The following BMP6 variants were observed in gnomAD, a reference collection of about 807,000 sequenced individuals.
BMP6 encodes bone morphogenetic protein 6.
BMP6 carries 17 observed loss-of-function variants against 54.1 expected under a neutral mutation model. The observed-to-expected ratio is 0.31, with a 90% CI of 0.22 to 0.47. The LOEUF is 0.47. Among genes scored for constraint, BMP6 ranks in the 20% least tolerant of loss-of-function variants. The probability of loss-of-function intolerance (pLI) is 1.00; values close to 1 mark genes in which losing one functional copy is unlikely to be tolerated. For synonymous variants in BMP6, 328 were observed against 291.2 expected, an observed-to-expected ratio of 1.13 and a Z score of -1.28; for missense variants, 720 against 690.4, an observed-to-expected ratio of 1.04 and a Z score of -0.48.
intron 1 of BMP6, among the ~76,000 whole-genome samples, chr6:7,797,842 T>A (rs559886747): frequency 6.6e-6 from 1 of 152,324 alleles, no homozygotes; most frequent in African/African-American, 2.4e-5. Context: ...CCTTTTTGTT[T>A]TATGTGTGTT....
intron 1 of BMP6, among the ~76,000 whole-genome samples, chr6:7,754,118 T>TTTTC (rs368119815): frequency 6.6e-6 from 1 of 152,156 alleles, no homozygotes; most frequent in Admixed American, 6.6e-5. Flanking sequence ...TATTGTCTTT[T>TTTTC]TTTCTTTCTT....
intron 1 of BMP6, among the ~76,000 whole-genome samples, chr6:7,839,352 G>A (rs954873370): frequency 6.6e-6 from 1 of 152,174 alleles, no homozygotes; most frequent in African/African-American, 2.4e-5. Flanking sequence ...TTAAGTGTAC[G>A]GTTCAGTGGC....
intron 1 of BMP6, among the ~76,000 whole-genome samples, chr6:7,734,946 G>T (rs770930887): frequency 3.9e-5 from 6 of 152,260 alleles, no homozygotes; most frequent in Non-Finnish European, 7.3e-5. Flanking sequence ...ATACGCCCTT[G>T]ATGACTGATC....
intron 2 of BMP6, among the ~76,000 whole-genome samples, chr6:7,852,582 AT>A (rs1239998311): frequency 2.6e-5 from 4 of 152,200 alleles, no homozygotes; most frequent in Non-Finnish European, 4.4e-5. Flanking sequence ...GTCTCAAAAA[AT>A]TTTTTTTAAT....
chr6:7,753,748 A>G (rs964973006), intron 1 of BMP6, among the ~76,000 whole-genome samples: 6 of 152,226 alleles, frequency 3.9e-5, no homozygotes, highest in African/African-American at 1.4e-4. Context: ...GCATTAAAGG[A>G]TATAGGTTTT....
intron 1 of BMP6, among the ~76,000 whole-genome samples, chr6:7,793,569 G>A (rs574910614): frequency 2.6e-5 from 4 of 151,932 alleles, no homozygotes; most frequent in Non-Finnish European, 5.9e-5. Context: ...GATAACTAAT[G>A]TACCACTTTG....
At chr6:7,802,191 A>G (rs1221598465) in intron 1 of BMP6, among the ~76,000 whole-genome samples, 2 of 152,242 alleles carry the variant, frequency 1.3e-5, no homozygotes, top group Non-Finnish European at 2.9e-5. Flanking sequence ...TATTAAAGAA[A>G]AAGCTCTAAA....
In BMP6 at chr6:7,862,408, A is replaced by G. The variant is rs770337544; in HGVS notation, c.1114A>G (p.Thr372Ala). 1.2e-5 allele frequency: 19 copies of G among 1,614,038 alleles called. No homozygotes were observed. The highest frequency in any genetic ancestry group is 1.5e-5 in the Non-Finnish European group (18 of 1,180,036). ...FFKVSEVHVR[T>A]TRSASSRRRQ... ...CAAAGTGAGTGAGGTGCACGTGCGCACCACCAGGTCAGCCTCCAGCCGGCG... is the reference window on the plus strand; with the variant it reads ...CAAAGTGAGTGAGGTGCACGTGCGCGCCACCAGGTCAGCCTCCAGCCGGCG... The change falls in exon 4 of 7, where the codon ACC becomes GCC. Residue 372 changes from threonine (T) to alanine (A), a missense_variant. Around this residue, in one of 3 missense-constraint regions of BMP6, gnomAD observed 650 missense variants for 556.3 expected, o/e 1.17. Transcript: ENST00000283147.
At chr6:7,730,949 T>A (rs1202697904) in intron 1 of BMP6, among the ~76,000 whole-genome samples, 3 of 152,202 alleles carry the variant, frequency 2.0e-5, no homozygotes, top group Non-Finnish European at 4.4e-5. Flanking sequence ...ACTGGGGGAA[T>A]AATTTACTCA....
intron 1 of BMP6, among the ~76,000 whole-genome samples, chr6:7,819,057 G>C (rs1040820321): frequency 5.6e-4 from 86 of 152,288 alleles, no homozygotes; most frequent in African/African-American, 2.0e-3. Flanking sequence ...AGCAGAAAGG[G>C]GGAAAAAGAC....
rs550273796 is a variant in BMP6, at chr6:7,831,918, G to A, written c.665-13222G>A. Among the ~76,000 whole-genome samples, 7 of 152,274 alleles carry A rather than the reference G, an allele frequency of 4.6e-5. No homozygotes were observed. In the East Asian group the frequency reaches 1.4e-3, roughly 29 times the overall value. ...GAGCACGAAGCAGGACCCAGCCCTG[G>A]CTCACACGTGCATTCAACACACATT... On this transcript the variant is annotated intron_variant, in intron 1 of 6. Transcript: ENST00000283147.
intron 1 of BMP6, among the ~76,000 whole-genome samples, chr6:7,824,384 T>G (rs1758660398): frequency 6.6e-6 from 1 of 152,190 alleles, no homozygotes; most frequent in Non-Finnish European, 1.5e-5. Flanking sequence ...TTGTGAGTCC[T>G]CTAAGAAGGG....
intron 1 of BMP6, among the ~76,000 whole-genome samples, chr6:7,762,820 A>G (rs775530367): frequency 1.1e-4 from 17 of 152,186 alleles, no homozygotes; most frequent in Non-Finnish European, 2.2e-4. Context: ...GTTCTTCTCC[A>G]GGGGATAGGA....
At chr6:7,863,956 G>T (rs1759376797) in intron 4 of BMP6, among the ~76,000 whole-genome samples, 1 of 151,774 alleles carries the variant, frequency 6.6e-6, no homozygotes, top group Non-Finnish European at 1.5e-5. Context: ...GGAGGTGGAG[G>T]TTGCAGTGAG....
chr6:7,856,610 T>TTTTTTTTTTTTTTTTTTTTTTTTTG (rs1477184469), intron 2 of BMP6, among the ~76,000 whole-genome samples: 2 of 122,154 alleles, frequency 1.6e-5, no homozygotes, highest in Non-Finnish European at 3.4e-5. Context: ...TTTTTTTTTT[T>TTTTTTTTTTTTTTTTTTTTTTTTTG]TTTTGAGACG....
At chr6:7,871,585 TGAG>T (rs1759525489) in intron 4 of BMP6, among the ~76,000 whole-genome samples, 1 of 152,242 alleles carries the variant, frequency 6.6e-6, no homozygotes, top group Non-Finnish European at 1.5e-5. Flanking sequence ...GGCCTTGTCT[TGAG>T]GGGGAAAATT....
intron 1 of BMP6, among the ~76,000 whole-genome samples, chr6:7,817,066 C>T (rs1468232358): frequency 2.6e-5 from 4 of 152,164 alleles, no homozygotes; most frequent in Non-Finnish European, 4.4e-5. Context: ...CCAGTCCACT[C>T]GAGAGAAACC....
chr6:7,840,943 G>A (rs1758959075), intron 1 of BMP6, among the ~76,000 whole-genome samples: 1 of 152,110 alleles, frequency 6.6e-6, no homozygotes, highest in Non-Finnish European at 1.5e-5. Context: ...TTTAGAGGGA[G>A]CAGCCGTCAG....
intron 1 of BMP6, among the ~76,000 whole-genome samples, chr6:7,767,260 C>T (rs1409228200): frequency 6.6e-6 from 1 of 152,206 alleles, no homozygotes; most frequent in Non-Finnish European, 1.5e-5. Context: ...AAGCATGAGT[C>T]ACAGCGCCTG....
Sources: gnomAD v4.1 joint callset for allele counts (sites outside exome capture counted in the v4.1 genomes callset) on GRCh38, gnomAD v4.1.1 for gene constraint, gnomAD v4.1.1 regional missense constraint, MANE v1.5 for transcripts, NCBI Gene and HGNC (gene_info 2026-07-23, HGNC 2026-07-21) for gene names.